REDIC1: variants seen among roughly 807,000 people sequenced by gnomAD.
The protein encoded by REDIC1 is HEI10 Interacting Protein 1.
chr12:39,884,819 G>A, the REDIC1 span, among the ~76,000 whole-genome samples: 1 of 152,170 alleles, frequency 6.6e-6, no homozygotes, highest in African/African-American at 2.4e-5. Flanking sequence ...TCCCAAGATT[G>A]AAAACAATAC....
chr12:39,642,180 AAGTTAATC>A, the REDIC1 span, among the ~76,000 whole-genome samples: 1 of 151,810 alleles, frequency 6.6e-6, no homozygotes, highest in South Asian at 2.1e-4. Context: ...TAGTCTTGTC[AAGTTAATC>A]AGTTAGTTAC....
At chr12:39,643,699 C>T in the REDIC1 span, 6 of 1,025,322 alleles carry the variant, frequency 5.9e-6, no homozygotes, top group African/African-American at 1.7e-5. Flanking sequence ...GACTTAATAA[C>T]ATGATTGCTT....
chr12:39,846,760 T>A, the REDIC1 span, among the ~76,000 whole-genome samples: 1 of 152,298 alleles, frequency 6.6e-6, no homozygotes, highest in Non-Finnish European at 1.5e-5. Flanking sequence ...CCTCACTTAA[T>A]TTGTTTAAGC....
chr12:39,750,380 A>T, the REDIC1 span, among the ~76,000 whole-genome samples: 4 of 152,054 alleles, frequency 2.6e-5, no homozygotes, highest in African/African-American at 9.7e-5. Flanking sequence ...CCTCTTCAAG[A>T]ACTACAAACC....
chr12:39,713,254 A>T, the REDIC1 span, among the ~76,000 whole-genome samples: 2 of 95,334 alleles, frequency 2.1e-5, no homozygotes, highest in East Asian at 5.0e-4. Flanking sequence ...GTACACACAC[A>T]TACGTGTATA....
chr12:39,807,780 C>G, the REDIC1 span, among the ~76,000 whole-genome samples: 1 of 152,054 alleles, frequency 6.6e-6, no homozygotes, highest in Non-Finnish European at 1.5e-5. Context: ...GTCTTCTCCC[C>G]CTAGGTGAGT....
chr12:39,680,327 G>A, the REDIC1 span, among the ~76,000 whole-genome samples: 1 of 152,050 alleles, frequency 6.6e-6, no homozygotes, highest in Non-Finnish European at 1.5e-5. Flanking sequence ...TATGTGAATA[G>A]ACAATTTGCA....
chr12:39,750,377 A>AAGG, the REDIC1 span, among the ~76,000 whole-genome samples: 2 of 151,608 alleles, frequency 1.3e-5, no homozygotes, highest in Non-Finnish European at 3.0e-5. Context: ...GGACCTCTTC[A>AAGG]AGAACTACAA....
chr12:39,752,699 C>A, the REDIC1 span, among the ~76,000 whole-genome samples: 1 of 152,074 alleles, frequency 6.6e-6, no homozygotes. Flanking sequence ...AAGAATAGGG[C>A]AACAAGCATA....
the REDIC1 span, among the ~76,000 whole-genome samples, chr12:39,712,092 A>G: frequency 8.4e-4 from 97 of 115,020 alleles, no homozygotes; most frequent in South Asian, 4.1e-3. Context: ...ATATATACAT[A>G]CATATATACC....
the REDIC1 span, among the ~76,000 whole-genome samples, chr12:39,778,463 T>C: frequency 6.6e-6 from 1 of 152,162 alleles, no homozygotes; most frequent in Admixed American, 6.5e-5. Context: ...ACGAAGTTAG[T>C]TATTTCTTTG....
the REDIC1 span, among the ~76,000 whole-genome samples, chr12:39,710,552 A>T: frequency 1.3e-5 from 2 of 151,856 alleles, no homozygotes; most frequent in Non-Finnish European, 2.9e-5. Flanking sequence ...ATTAATGTTT[A>T]GAAATATTTA....
chr12:39,700,762 A>G, the REDIC1 span, among the ~76,000 whole-genome samples: 2 of 151,902 alleles, frequency 1.3e-5, no homozygotes, highest in African/African-American at 4.8e-5. Flanking sequence ...ACAAGCCAGA[A>G]GAGAGTGGGG....
the REDIC1 span, among the ~76,000 whole-genome samples, chr12:39,719,808 G>C: frequency 6.6e-6 from 1 of 151,858 alleles, no homozygotes. Context: ...ATGATGTTTT[G>C]TTACATGACT....
At chr12:39,764,353 A>G in the REDIC1 span, 1 of 1,059,660 alleles carries the variant, frequency 9.4e-7, no homozygotes, top group Non-Finnish European at 1.3e-6. Flanking sequence ...GATACTTATA[A>G]CAGCAAAATA....
the REDIC1 span, among the ~76,000 whole-genome samples, chr12:39,649,591 T>C: frequency 2.0e-5 from 3 of 151,668 alleles, no homozygotes; most frequent in African/African-American, 4.8e-5. Flanking sequence ...TTTTTTTTTT[T>C]TTCTGACAAT....
chr12:39,888,476 C>T, the REDIC1 span, among the ~76,000 whole-genome samples: 6 of 152,204 alleles, frequency 3.9e-5, no homozygotes, highest in African/African-American at 9.7e-5. Flanking sequence ...CCACCGTCCT[C>T]GGCCTCCCAA....
the REDIC1 span, among the ~76,000 whole-genome samples, chr12:39,655,749 A>G: frequency 2.6e-5 from 4 of 152,210 alleles, no homozygotes; most frequent in East Asian, 7.7e-4. Context: ...CTAGGGGTGG[A>G]GGGAAGGGAT....
the REDIC1 span, among the ~76,000 whole-genome samples, chr12:39,742,644 A>G: frequency 1.3e-5 from 2 of 152,070 alleles, no homozygotes; most frequent in African/African-American, 4.8e-5. Flanking sequence ...GGCTTCTTAA[A>G]TCACGTAAAA....
Sources: allele counts gnomAD v4.1 joint callset (sites outside exome capture counted in the v4.1 genomes callset), GRCh38; gene constraint gnomAD v4.1.1; transcripts MANE v1.5; gene names NCBI Gene and HGNC (gene_info 2026-07-23, HGNC 2026-07-21).